CRYBG1: variants seen among roughly 807,000 people sequenced by gnomAD.
CRYBG1 encodes beta/gamma crystallin domain-containing protein 1.
CRYBG1 carries 139 observed loss-of-function variants against 189.2 expected under a neutral mutation model. The observed-to-expected ratio is 0.73, with a 90% confidence interval of 0.64 to 0.85. CRYBG1 has a LOEUF of 0.85. Among genes scored for constraint, CRYBG1 ranks in the 40% least tolerant of loss-of-function variants. The probability of loss-of-function intolerance (pLI) is 0.00; values close to 1 mark genes in which losing one functional copy is unlikely to be tolerated. For missense variants in CRYBG1, 2,611 were observed against 2,675.8 expected (o/e 0.98, Z 0.53); for synonymous variants, 1,023 against 1,017.1 (o/e 1.01, Z -0.11).
At chr6:106,506,467 T>G (rs918599435) in intron 2 of CRYBG1, among the ~76,000 whole-genome samples, 1 of 146,378 alleles carries the variant, frequency 6.8e-6, no homozygotes, top group Admixed American at 6.8e-5. Flanking sequence ...TTTTTTTTTT[T>G]TTTTGAGATG....
Position 106,571,926 on chromosome 6 carries a change from T to C in CRYBG1, c.*3360T>C. ...TGGAAAAATGTTTGAAAGGGATGGC[T>C]AGAAAAAAATTTGGGCTCACAGGCA... On this transcript the variant is annotated 3_prime_UTR_variant, in exon 22 of 22. Transcript: ENST00000633556. 1.0e-6 allele frequency: 1 copy of C among 1,004,564 alleles called. No individual in the cohort carries two copies. The highest frequency in any genetic ancestry group is 2.1e-4 in the Middle Eastern group (1 of 4,740). The allele number at this position is 1,004,564 out of a possible 1,614,324, so 62.2% of individuals were successfully genotyped here.
At chr6:106,517,438 A>G (rs1408779458) in intron 3 of CRYBG1, among the ~76,000 whole-genome samples, 1 of 141,986 alleles carries the variant, frequency 7.0e-6, no homozygotes, top group East Asian at 2.0e-4. Context: ...ATACACACAC[A>G]CATATATATA....
chr6:106,367,761 C>T (rs1769898861), intron 1 of CRYBG1, among the ~76,000 whole-genome samples: 2 of 144,234 alleles, frequency 1.4e-5, no homozygotes, highest in Admixed American at 7.0e-5. Context: ...CCTAGGAGTT[C>T]AAGACAGCCT....
intron 2 of CRYBG1, among the ~76,000 whole-genome samples, chr6:106,453,721 G>C (rs1771829253): frequency 6.6e-6 from 1 of 152,234 alleles, no homozygotes; most frequent in Admixed American, 6.5e-5. Flanking sequence ...CAAGTTCCTT[G>C]AGGTAGGTGG....
chr6:106,393,613 C>T (rs1465677477), intron 1 of CRYBG1, among the ~76,000 whole-genome samples: 41 of 151,618 alleles, frequency 2.7e-4, no homozygotes, highest in Admixed American at 3.3e-4. Context: ...TCTTTGTTGA[C>T]GTCTTCCATT....
At position 106,544,774 on chromosome 6, in the gene CRYBG1, T is replaced by TC; in HGVS notation, c.5167-14_5167-13insC. The TC allele has an allele frequency of 6.2e-7, 1 of 1,601,698 alleles. No individual in the cohort carries two copies. Among genetic ancestry groups the TC allele is most frequent in the East Asian group, 2.2e-5 (1 of 44,800 alleles). ...ATGGCTAGCCTTTGAATTTTGAATT[T>TC]TTTTTCTCAATAGGATTTTTCAAAT... is the stretch of plus-strand genomic sequence containing the variant. On this transcript the variant is annotated splice_polypyrimidine_tract_variant and intron_variant, in intron 12 of 21. Transcript: ENST00000633556.
intron 1 of CRYBG1, among the ~76,000 whole-genome samples, chr6:106,442,229 C>T (rs750759016): frequency 7.9e-5 from 12 of 152,086 alleles, no homozygotes; most frequent in Non-Finnish European, 1.3e-4. Context: ...TCTGGAAATG[C>T]CATGAAGTAA....
intron 1 of CRYBG1, among the ~76,000 whole-genome samples, chr6:106,417,433 T>C (rs1286007183): frequency 6.6e-6 from 1 of 152,164 alleles, no homozygotes; most frequent in Non-Finnish European, 1.5e-5. Flanking sequence ...ATTCCCAGCC[T>C]TGTTGAAAAG....
intron 2 of CRYBG1, among the ~76,000 whole-genome samples, chr6:106,473,813 T>C (rs570783095): frequency 3.3e-5 from 5 of 152,330 alleles, no homozygotes; most frequent in Non-Finnish European, 5.9e-5. Flanking sequence ...ATGACATAAT[T>C]TTCTGGACAT....
intron 1 of CRYBG1, among the ~76,000 whole-genome samples, chr6:106,403,229 CAGG>C (rs1770757056): frequency 6.6e-6 from 1 of 152,164 alleles, no homozygotes; most frequent in African/African-American, 2.4e-5. Context: ...CCCAGCTACT[CAGG>C]AGGCTGAGGT....
At chr6:106,461,248 G>A (rs2114452735) in intron 2 of CRYBG1, among the ~76,000 whole-genome samples, 1 of 151,894 alleles carries the variant, frequency 6.6e-6, no homozygotes, top group South Asian at 2.1e-4. Flanking sequence ...AGGAATACTT[G>A]AGTGGTAATC....
intron 1 of CRYBG1, among the ~76,000 whole-genome samples, chr6:106,444,410 G>A (rs764125081): frequency 2.0e-5 from 3 of 152,316 alleles, no homozygotes; most frequent in Admixed American, 1.3e-4. Flanking sequence ...AAACCGAGCC[G>A]TTCCTTGAGG....
rs371924449 is a variant in CRYBG1 at position 106,512,857 on chromosome 6, G to A, written c.1740G>A (p.Pro580=). Residue 580 remains proline, a synonymous_variant, in exon 3 of 22, where the codon CCG becomes CCA. Coordinates refer to ENST00000633556, the MANE Select transcript of CRYBG1 (RefSeq NM_001371242.2). ...ELPVKSSSLL[P]EIKPEHKRGP... ...CGGTCAAGAGCAGCTCGCTGCTGCCGGAGATCAAGCCCGAGCACAAGAGGG... is the reference window on the plus strand; with the variant it reads ...CGGTCAAGAGCAGCTCGCTGCTGCCAGAGATCAAGCCCGAGCACAAGAGGG... The A allele has an allele frequency of 1.3e-6, 2 of 1,587,406 alleles. No individual in the cohort carries two copies. The highest frequency in any genetic ancestry group is 1.7e-6 in the Non-Finnish European group (2 of 1,167,176).
chr6:106,512,082 A>C lies in CRYBG1; in HGVS notation c.965A>C (p.Glu322Ala). 1 of 1,534,338 alleles carries C rather than the reference A, an allele frequency of 6.5e-7. No homozygotes were observed. Among genetic ancestry groups the C allele is most frequent in the Non-Finnish European group, 8.7e-7 (1 of 1,146,228 alleles). The change falls in exon 3 of 22, where the codon GAA becomes GCA. Residue 322 changes from glutamate to alanine, a missense_variant. This residue lies in a region of CRYBG1 where 985 missense variants were observed against 924.4 expected (regional missense o/e 1.07). Coordinates refer to ENST00000633556, the MANE Select transcript of CRYBG1 (RefSeq NM_001371242.2). ...AACGGAGCCCCCAGTGTGTGTGCCG[A>C]AGAAGGCTCCCTGGGGCCCCGCAAC... is the stretch of plus-strand genomic sequence containing the variant. ...APNGAPSVCA[E>A]EGSLGPRNAR... is the part of the protein sequence containing the mutation.
At chr6:106,376,463 A>G (rs1160597407) in intron 1 of CRYBG1, among the ~76,000 whole-genome samples, 1 of 152,102 alleles carries the variant, frequency 6.6e-6, no homozygotes, top group Non-Finnish European at 1.5e-5. Context: ...CTTCTATAAC[A>G]GTTAGGTTCT....
At chr6:106,552,340 C>T in intron 15 of CRYBG1, 124 bp downstream of exon 15, 1 of 621,714 alleles carries the variant, frequency 1.6e-6, no homozygotes, top group Non-Finnish European at 2.6e-6. Context: ...AATCCCAGCA[C>T]TTTGGGAGGT....
At chr6:106,386,363 G>T (rs1239269875) in intron 1 of CRYBG1, among the ~76,000 whole-genome samples, 1 of 152,208 alleles carries the variant, frequency 6.6e-6, no homozygotes, top group Admixed American at 6.5e-5. Flanking sequence ...GTGCAGGAAA[G>T]AGGTGTGGAC....
intron 3 of CRYBG1, among the ~76,000 whole-genome samples, chr6:106,515,744 G>A (rs970685656): frequency 4.6e-5 from 7 of 151,488 alleles, no homozygotes; most frequent in African/African-American, 7.3e-5. Context: ...AGAAATTTAT[G>A]AGCAGAGATC....
intron 2 of CRYBG1, among the ~76,000 whole-genome samples, chr6:106,501,870 TA>T (rs899052954): frequency 3.3e-5 from 5 of 152,238 alleles, no homozygotes; most frequent in African/African-American, 1.2e-4. Flanking sequence ...TTTCTAGAAA[TA>T]AATCCACTAT....
Sources: allele counts gnomAD v4.1 joint callset (sites outside exome capture counted in the v4.1 genomes callset), GRCh38; gene constraint gnomAD v4.1.1; regional missense constraint gnomAD v4.1.1; transcripts MANE v1.5; gene names NCBI Gene and HGNC (gene_info 2026-07-23, HGNC 2026-07-21).